The following IPO7 variants were observed in gnomAD, a reference collection of about 807,000 sequenced individuals.
The protein encoded by IPO7 is importin-7.
In IPO7, 13 loss-of-function variants were observed where a neutral mutation model predicts 136.4. The ratio of observed to expected loss-of-function variants is 0.10; its 90% CI spans 0.06 to 0.15. The LOEUF (loss-of-function observed/expected upper bound fraction) is 0.15. Among genes scored for constraint, IPO7 ranks in the 10% least tolerant of loss-of-function variants. The probability of loss-of-function intolerance (pLI) is 1.00; values close to 1 mark genes in which losing one functional copy is unlikely to be tolerated. For synonymous variants in IPO7, 403 were observed against 404.4 expected, an observed-to-expected ratio of 1.00 and a Z score of 0.04; for missense variants, 857 against 1,240.6, an observed-to-expected ratio of 0.69 and a Z score of 4.65.
chr11:9,406,379 G>T (rs1854887508), intron 2 of IPO7, among the ~76,000 whole-genome samples: 1 of 151,858 alleles, frequency 6.6e-6, no homozygotes. Flanking sequence ...TTTTAGATAA[G>T]AGTCTGCCTT....
rs180835085 is a variant in IPO7 at position 9,433,868 on chromosome 11, A to G, written c.2074+22A>G. 519 of 1,599,098 alleles carry G rather than the reference A, an allele frequency of 3.2e-4. 3 individuals are homozygous for G. Among genetic ancestry groups the G allele is most frequent in the African/African-American group, 5.4e-5 (4 of 74,418 alleles). ...ACAGGTGAGTCAAAGCAGCATGGAA[A>G]TACTGAGGGTTTTCCCTGCTTTGAT... is the stretch of plus-strand genomic sequence containing the variant. On this transcript the variant is annotated intron_variant, in intron 18 of 24. Coordinates refer to ENST00000379719, the MANE Select transcript of IPO7 (RefSeq NM_006391.3).
At chr11:9,430,733 C>G in intron 15 of IPO7, 142 bp from the exon 16 acceptor site, 1 of 675,006 alleles carries the variant, frequency 1.5e-6, no homozygotes, top group East Asian at 2.7e-5. Flanking sequence ...AGAGCTTAAG[C>G]TCTTTATTAT....
Position 9,442,114 on chromosome 11 carries a change from C to A in IPO7, c.2936C>A (p.Ala979Glu). 1 of 1,602,806 alleles carries A rather than the reference C, an allele frequency of 6.2e-7. No homozygotes were observed. The highest frequency in any genetic ancestry group is 8.5e-7 in the Non-Finnish European group (1 of 1,170,050). ...AATCGTAATCCTGTGTGGTATCAGG[C>A]ACTGACTCACGGTCTTAATGAAGAA... Reference protein sequence around the residue: ...IQNRNPVWYQALTHGLNEEQR... With the variant: ...IQNRNPVWYQELTHGLNEEQR... The change falls in exon 24 of 25, where the codon GCA (alanine) becomes GAA (glutamate). Residue 979 changes from alanine to glutamate, a missense_variant. By Grantham distance (107) the Ala-to-Glu change is moderately radical. Around this residue, in one of 11 missense-constraint regions of IPO7, gnomAD observed 119 missense variants for 155.5 expected, o/e 0.77. Coordinates refer to ENST00000379719, the MANE Select transcript of IPO7 (RefSeq NM_006391.3).
At chr11:9,414,049 A>AT (rs1394832997) in intron 4 of IPO7, among the ~76,000 whole-genome samples, 1 of 152,004 alleles carries the variant, frequency 6.6e-6, no homozygotes, top group African/African-American at 2.4e-5. Flanking sequence ...TGACCTCATA[A>AT]TACATGTTCA....
intron 4 of IPO7, among the ~76,000 whole-genome samples, chr11:9,412,531 C>T (rs1436090599): frequency 1.3e-5 from 2 of 152,132 alleles, no homozygotes; most frequent in African/African-American, 4.8e-5. Context: ...ATAATGGAAG[C>T]TGGGGCTGGG....
intron 19 of IPO7, among the ~76,000 whole-genome samples, chr11:9,435,562 C>T (rs1855357842): frequency 6.6e-6 from 1 of 152,174 alleles, no homozygotes; most frequent in Non-Finnish European, 1.5e-5. Flanking sequence ...ATTTCTTTCA[C>T]TCATCTCTTT....
Position 9,432,601 on chromosome 11 carries a change from A to G in IPO7, c.1882-969A>G, listed in dbSNP as rs148063835. On this transcript the variant is annotated intron_variant, in intron 16 of 24. Transcript: ENST00000379719. Reference sequence around the variant, plus strand: ...TTTTAACAGATTAATTGTTTATTCTATTTTAGGAATTGTAAATGTATTAAG... The same window carrying G: ...TTTTAACAGATTAATTGTTTATTCTGTTTTAGGAATTGTAAATGTATTAAG... 2.6e-3 allele frequency among the ~76,000 whole-genome samples: 399 copies of G among 152,270 alleles called. 2 individuals are homozygous for G. Among genetic ancestry groups the G allele is most frequent in the African/African-American group, 9.3e-3 (385 of 41,546 alleles).
At chr11:9,425,287 G>A (rs1173596960) in intron 12 of IPO7, 25 bp downstream of exon 12, 16 of 1,253,748 alleles carry the variant, frequency 1.3e-5, no homozygotes, top group Non-Finnish European at 1.9e-5. Flanking sequence ...GTTTGTATGT[G>A]CATGACTATG....
chr11:9,388,414 A>C (rs1177057944), intron 1 of IPO7, among the ~76,000 whole-genome samples: 2 of 151,776 alleles, frequency 1.3e-5, no homozygotes, highest in African/African-American at 4.8e-5. Context: ...TGACCTTGTG[A>C]TCCGCCCACC....
intron 16 of IPO7, among the ~76,000 whole-genome samples, chr11:9,432,619 G>A (rs1409364231): frequency 1.3e-5 from 2 of 152,160 alleles, no homozygotes; most frequent in Non-Finnish European, 2.9e-5. Flanking sequence ...AATTGTAAAT[G>A]TATTAAGTTC....
intron 16 of IPO7, among the ~76,000 whole-genome samples, chr11:9,431,238 C>G (rs1028693075): frequency 6.6e-6 from 1 of 152,066 alleles, no homozygotes; most frequent in African/African-American, 2.4e-5. Context: ...TTCTCAGATC[C>G]AGAAATATGG....
chr11:9,423,776 G>T lies in IPO7; in HGVS notation c.1042-1G>T. ...TTGTTTTCTTAACTTTTAAATTGCA[G>T]GGCATTATCCAAGATGTTATTTTTC... On this transcript the variant is annotated splice_acceptor_variant, in intron 9 of 24. Transcript: ENST00000379719. LOFTEE classifies it high-confidence loss of function. 6.4e-7 allele frequency: 1 copy of T among 1,554,844 alleles called. No homozygotes were observed. The highest frequency in any genetic ancestry group is 8.7e-7 in the Non-Finnish European group (1 of 1,145,962).
Position 9,397,341 on chromosome 11 carries a change from A to AAAAAAAAAAATATATATAT in IPO7, c.85-5948_85-5947insAAAAAAAAATATATATATA. ...CTTTACTAAAAATAATTTAAAAAAA[A>AAAAAAAAAAATATATATAT]ATATATATATATATATATATATATT... On this transcript the variant is annotated intron_variant, in intron 1 of 24. Coordinates refer to ENST00000379719, the MANE Select transcript of IPO7 (RefSeq NM_006391.3). Among the ~76,000 whole-genome samples, 32 of 10,758 alleles carry AAAAAAAAAAATATATATAT rather than the reference A, an allele frequency of 3.0e-3. 2 individuals carry two copies. Among genetic ancestry groups the AAAAAAAAAAATATATATAT allele is most frequent in the African/African-American group, 4.3e-3 (17 of 3,982 alleles). 7.1% of individuals were successfully genotyped at this position (10,758 alleles called of 152,430 possible). A position where few individuals can be genotyped will look rare whatever the true frequency, so the allele number is the denominator to read the frequency against.
chr11:9,397,341 A>AAAATATATATATAT, intron 1 of IPO7, among the ~76,000 whole-genome samples: 6 of 10,762 alleles, frequency 5.6e-4, no homozygotes, highest in South Asian at 6.6e-3. Flanking sequence ...TTTAAAAAAA[A>AAAATATATATATAT]ATATATATAT....
chr11:9,415,071 A>T (rs1855021723), intron 5 of IPO7, among the ~76,000 whole-genome samples: 1 of 151,970 alleles, frequency 6.6e-6, no homozygotes, highest in African/African-American at 2.4e-5. Context: ...TAATCCCAGC[A>T]CTTTGGGAGG....
intron 21 of IPO7, 34 bp from the exon 22 acceptor site, chr11:9,438,046 T>TTG: frequency 1.6e-5 from 2 of 125,930 alleles, no homozygotes; most frequent in Non-Finnish European, 2.0e-5. Context: ...AAGAAAACAG[T>TTG]TTTTTTTTTT....
chr11:9,419,215 C>T (rs962725013), intron 6 of IPO7, among the ~76,000 whole-genome samples: 1 of 152,090 alleles, frequency 6.6e-6, no homozygotes, highest in Non-Finnish European at 1.5e-5. Context: ...AGAGTGTTCA[C>T]TTGCTCTGTA....
intron 9 of IPO7, 119 bp from the exon 10 acceptor site, chr11:9,423,658 C>T (rs1590443529): frequency 4.9e-6 from 3 of 609,036 alleles, no homozygotes; most frequent in East Asian, 2.8e-5. Flanking sequence ...GCATTACTAA[C>T]GTTTGATATT....
chr11:9,392,806 G>A (rs185092354), intron 1 of IPO7, among the ~76,000 whole-genome samples: 152 of 151,896 alleles, frequency 1.0e-3, no homozygotes, highest in African/African-American at 3.5e-3. Context: ...AAAATTAGCC[G>A]GGCATGGTGT....
Sources: gnomAD v4.1 joint callset for allele counts (sites outside exome capture counted in the v4.1 genomes callset) on GRCh38, gnomAD v4.1.1 for gene constraint, gnomAD v4.1.1 regional missense constraint, MANE v1.5 for transcripts, NCBI Gene and HGNC (gene_info 2026-07-23, HGNC 2026-07-21) for gene names.